The following ASPRV1 variants were observed in gnomAD, a reference collection of about 807,000 sequenced individuals.
ASPRV1 encodes the protein aspartic peptidase retroviral like 1, also known as retroviral-like aspartic protease 1.
ASPRV1 carries 7 observed loss-of-function variants against 11.0 expected under a neutral mutation model. The observed-to-expected ratio is 0.64, with a 90% CI of 0.36 to 1.20. The LOEUF is 1.20. ASPRV1 is among the 50% of genes most tolerant of loss of function. The pLI is 0.02. For missense variants in ASPRV1, 299 were observed against 320.0 expected, an observed-to-expected ratio of 0.93 and a Z score of 0.50; for synonymous variants, 136 against 138.4, an observed-to-expected ratio of 0.98 and a Z score of 0.12.
chr2:70,047,977 C>A, the ASPRV1 span, among the ~76,000 whole-genome samples: 1 of 151,544 alleles, frequency 6.6e-6, no homozygotes, highest in Non-Finnish European at 1.5e-5. Context: ...GGCGTGGTGG[C>A]GTGTGCCTGT....
the ASPRV1 span, among the ~76,000 whole-genome samples, chr2:70,074,133 CAAA>C: frequency 1.2e-3 from 9 of 7,814 alleles, no homozygotes; most frequent in African/African-American, 3.1e-3. Context: ...AACTTCATCT[CAAA>C]AAAAAAAAAA....
the ASPRV1 span, chr2:69,941,613 C>T: frequency 1.3e-5 from 2 of 152,040 alleles, no homozygotes; most frequent in Admixed American, 6.6e-5. Context: ...TTCCTTTAAC[C>T]TCTACTTTTT....
chr2:70,066,888 C>T, the ASPRV1 span, among the ~76,000 whole-genome samples: 2 of 152,086 alleles, frequency 1.3e-5, no homozygotes, highest in African/African-American at 4.8e-5. Flanking sequence ...CCACGCCTGG[C>T]CCATTCTTCC....
chr2:70,010,046 C>T, the ASPRV1 span, among the ~76,000 whole-genome samples: 1 of 151,946 alleles, frequency 6.6e-6, no homozygotes, highest in East Asian at 1.9e-4. Flanking sequence ...GTGGTAGGGG[C>T]AAAGGGAAGT....
chr2:70,007,270 C>A, the ASPRV1 span, among the ~76,000 whole-genome samples: 4 of 152,230 alleles, frequency 2.6e-5, no homozygotes, highest in African/African-American at 7.2e-5. Flanking sequence ...GTAATCCCAG[C>A]ACCTTGGGAG....
chr2:70,051,961 C>T, the ASPRV1 span, among the ~76,000 whole-genome samples: 23 of 151,752 alleles, frequency 1.5e-4, no homozygotes, highest in African/African-American at 4.6e-4. Context: ...GGTGACAGAG[C>T]GAGACCCTGT....
the ASPRV1 span, among the ~76,000 whole-genome samples, chr2:70,078,698 G>A: frequency 6.6e-6 from 1 of 152,226 alleles, no homozygotes; most frequent in East Asian, 1.9e-4. Context: ...GAGCAGCTGG[G>A]AGAGAGTGGT....
the ASPRV1 span, among the ~76,000 whole-genome samples, chr2:70,033,276 A>AACACACACACACACACACAC: frequency 1.4e-5 from 2 of 141,512 alleles, no homozygotes; most frequent in Non-Finnish European, 3.1e-5. Flanking sequence ...TCAAACAGAA[A>AACACACACACACACACACAC]ACACACACAC....
At chr2:70,044,194 G>A in the ASPRV1 span, among the ~76,000 whole-genome samples, 1 of 152,066 alleles carries the variant, frequency 6.6e-6, no homozygotes, top group Admixed American at 6.6e-5. Context: ...ATTTTTAATA[G>A]GGTCTCAAAG....
At chr2:70,076,010 T>C in the ASPRV1 span, among the ~76,000 whole-genome samples, 178 of 152,320 alleles carry the variant, frequency 1.2e-3, no homozygotes, top group Non-Finnish European at 2.0e-3. Flanking sequence ...TTTAGCTCCA[T>C]TTCCCGGTCC....
At chr2:70,045,522 C>G in the ASPRV1 span, 1 of 152,198 alleles carries the variant, frequency 6.6e-6, no homozygotes, top group Non-Finnish European at 1.5e-5. Context: ...TTTCCTAAAC[C>G]CTACTGAAGC....
the ASPRV1 span, among the ~76,000 whole-genome samples, chr2:70,026,814 T>C: frequency 6.6e-6 from 1 of 152,048 alleles, no homozygotes; most frequent in African/African-American, 2.4e-5. Flanking sequence ...TCTACCAAAA[T>C]ACCAACGACA....
the ASPRV1 span, among the ~76,000 whole-genome samples, chr2:70,021,221 G>C: frequency 6.6e-6 from 1 of 152,040 alleles, no homozygotes; most frequent in African/African-American, 2.4e-5. Context: ...TGTTGTCACA[G>C]ATAGCAGGAT....
At chr2:70,086,843 G>A in the ASPRV1 span, 1 of 152,264 alleles carries the variant, frequency 6.6e-6, no homozygotes, top group African/African-American at 2.4e-5. Context: ...GCCGCGATTC[G>A]GCAGGCGGCC....
At chr2:69,981,484 T>C in the ASPRV1 span, among the ~76,000 whole-genome samples, 1 of 152,246 alleles carries the variant, frequency 6.6e-6, no homozygotes, top group African/African-American at 2.4e-5. Flanking sequence ...AATCATAGTT[T>C]CTTCTAAATG....
the ASPRV1 span, among the ~76,000 whole-genome samples, chr2:70,017,081 C>G: frequency 6.6e-6 from 1 of 152,130 alleles, no homozygotes; most frequent in Admixed American, 6.5e-5. Flanking sequence ...AGCTCCGCCT[C>G]CCGGGTTCAT....
chr2:69,933,641 C>T, the ASPRV1 span, among the ~76,000 whole-genome samples: 2 of 152,180 alleles, frequency 1.3e-5, no homozygotes, highest in Non-Finnish European at 2.9e-5. Context: ...GCAGGAGGCT[C>T]AGAAGGAAGG....
chr2:70,036,028 G>C, the ASPRV1 span, among the ~76,000 whole-genome samples: 1 of 150,490 alleles, frequency 6.6e-6, no homozygotes, highest in Non-Finnish European at 1.5e-5. Context: ...CTGAATATCT[G>C]AGTTTGAATC....
At chr2:69,984,582 AAG>A in the ASPRV1 span, among the ~76,000 whole-genome samples, 1 of 151,616 alleles carries the variant, frequency 6.6e-6, no homozygotes, top group South Asian at 2.1e-4. Context: ...CCACACTTAA[AAG>A]AGATAGAAAG....
Sources: allele counts gnomAD v4.1 joint callset (sites outside exome capture counted in the v4.1 genomes callset), GRCh38; gene constraint gnomAD v4.1.1; transcripts MANE v1.5; gene names NCBI Gene and HGNC (gene_info 2026-07-23, HGNC 2026-07-21).